The following CYP4Z1 variants were observed in gnomAD, a reference collection of about 807,000 sequenced individuals.
The protein encoded by CYP4Z1 is cytochrome P450 4Z1.
Under a neutral mutation model 54.2 loss-of-function variants are expected in CYP4Z1, and 41 were observed. The ratio of observed to expected loss-of-function variants is 0.76; its 90% CI spans 0.59 to 0.98. The LOEUF (loss-of-function observed/expected upper bound fraction) is 0.98, where lower values mean the gene tolerates loss of function less well. Ranked by LOEUF, CYP4Z1 falls within the 50% of genes least tolerant of loss-of-function variation. The probability of loss-of-function intolerance (pLI) is 0.00; values close to 1 mark genes in which losing one functional copy is unlikely to be tolerated. For missense variants in CYP4Z1, 513 were observed against 599.0 expected, an observed-to-expected ratio of 0.86 and a Z score of 1.50; for synonymous variants, 163 against 206.2, an observed-to-expected ratio of 0.79 and a Z score of 1.79.
At chr1:47,085,315 A>G (rs1434897783) in intron 6 of CYP4Z1, among the ~76,000 whole-genome samples, 2 of 152,110 alleles carry the variant, frequency 1.3e-5, no homozygotes, top group Non-Finnish European at 2.9e-5. Context: ...AGAGCAGGAC[A>G]TCTGAGCAAG....
intron 4 of CYP4Z1, among the ~76,000 whole-genome samples, chr1:47,084,412 C>T (rs1644576709): frequency 6.6e-6 from 1 of 151,672 alleles, no homozygotes; most frequent in Non-Finnish European, 1.5e-5. Context: ...TTTCCCCACC[C>T]TTACAAAGTC....
chr1:47,092,723 C>T (rs1207307698), intron 6 of CYP4Z1, among the ~76,000 whole-genome samples: 14 of 151,910 alleles, frequency 9.2e-5, no homozygotes, highest in African/African-American at 3.4e-4. Context: ...TCATCTCCAA[C>T]ATTTTCTGTT....
intron 8 of CYP4Z1, among the ~76,000 whole-genome samples, chr1:47,101,802 A>C (rs932507692): frequency 6.6e-6 from 1 of 152,100 alleles, no homozygotes; most frequent in African/African-American, 2.4e-5. Context: ...GTTTCTTTAT[A>C]AATTAATAAA....
At chr1:47,112,510 T>C (rs565591732) in intron 9 of CYP4Z1, among the ~76,000 whole-genome samples, 6,815 of 126,312 alleles carry the variant, frequency 0.054, 322 homozygotes, top group African/African-American at 0.14. Flanking sequence ...AAGTATCACA[T>C]TGATAACAAA....
chr1:47,092,612 C>A (rs1644647851), intron 6 of CYP4Z1, among the ~76,000 whole-genome samples: 1 of 152,022 alleles, frequency 6.6e-6, no homozygotes, highest in African/African-American at 2.4e-5. Flanking sequence ...GGGGTCTTTA[C>A]CAGAATTGCC....
Position 47,091,244 on chromosome 1 carries a change from A to C in CYP4Z1, c.773-3322A>C, listed in dbSNP as rs1357086480. Among the ~76,000 whole-genome samples the C allele has an allele frequency of 1.4e-5, 2 of 142,158 alleles. 1 individual carries two copies. The highest frequency in any genetic ancestry group is 5.8e-5 in the African/African-American group (2 of 34,400). 93.3% of individuals were successfully genotyped at this position (142,158 alleles called of 152,430 possible). ...TTAATTTCTCTTATGACGCCTTCCT[A>C]AATTAGAAGGGGCTTGAAGCATGTT... On this transcript the variant is annotated intron_variant, in intron 6 of 11. Coordinates refer to ENST00000334194, the MANE Select transcript of CYP4Z1 (RefSeq NM_178134.3).
chr1:47,068,786 A>G (rs775400810), intron 2 of CYP4Z1, 23 bp downstream of exon 2: 1 of 1,610,472 alleles, frequency 6.2e-7, no homozygotes, highest in Non-Finnish European at 8.5e-7. Context: ...AGGGGCTCAC[A>G]GTACAGAGCA....
intron 7 of CYP4Z1, 46 bp from the exon 8 acceptor site, chr1:47,099,045 TAAC>T (rs774403879): frequency 1.7e-4 from 266 of 1,595,620 alleles, no homozygotes; most frequent in Non-Finnish European, 2.2e-4. Context: ...TTGAAAAAGA[TAAC>T]AATCCATAGC....
intron 11 of CYP4Z1, among the ~76,000 whole-genome samples, chr1:47,117,064 ACC>A (rs1644835478): frequency 6.6e-6 from 1 of 152,122 alleles, no homozygotes; most frequent in Non-Finnish European, 1.5e-5. Flanking sequence ...CAACATTGGC[ACC>A]TCCCAGCTCT....
the CYP4Z1 span, among the ~76,000 whole-genome samples, chr1:47,058,851 G>T: frequency 2.0e-5 from 3 of 152,112 alleles, no homozygotes; most frequent in South Asian, 6.2e-4. Flanking sequence ...GACAGGCAGA[G>T]ACAGGGGCCT....
chr1:47,112,106 A>C (rs2148542136), intron 9 of CYP4Z1, among the ~76,000 whole-genome samples: 1 of 152,300 alleles, frequency 6.6e-6, no homozygotes, highest in African/African-American at 2.4e-5. Context: ...CAGGTGAATT[A>C]ACAAAGGCGA....
chr1:47,099,270 G>C lies in CYP4Z1; in HGVS notation c.1053G>C (p.Gly351=), dbSNP rs1302757501. 6.2e-7 allele frequency: 1 copy of C among 1,608,554 alleles called. No individual in the cohort carries two copies. The highest frequency in any genetic ancestry group is 1.3e-5 in the African/African-American group (1 of 74,516). ...RDEIRELLGD[G]SSITWEHLSQ... ...AAATCAGGGAACTCCTAGGGGATGG[G>C]TCTTCTATTACCTGGTAAGACCTGT... Residue 351 remains glycine (G), a synonymous_variant, in exon 8 of 12, where the codon GGG becomes GGC. Coordinates refer to ENST00000334194, the MANE Select transcript of CYP4Z1 (RefSeq NM_178134.3).
At position 47,094,646 on chromosome 1, in the gene CYP4Z1, C is replaced by G. The variant is rs200948225; in HGVS notation, c.853C>G (p.Leu285Val). ...TACTCAGAAAAGGCGCTGGGATTTT[C>G]TGGACATACTTTTGAGTGCCAAAGT... ...DTTQKRRWDF[L>V]DILLSAKSEN... Residue 285 changes from leucine (L) to valine (V), a missense_variant, in exon 7 of 12, where the codon CTG becomes GTG. Physicochemically the swap from Leu to Val is conservative, Grantham distance 32. Coordinates refer to ENST00000334194, the MANE Select transcript of CYP4Z1 (RefSeq NM_178134.3). The G allele has an allele frequency of 1.2e-6, 2 of 1,610,954 alleles. No homozygotes were observed. Among genetic ancestry groups the G allele is most frequent in the Admixed American group, 1.7e-5 (1 of 59,450 alleles).
intron 3 of CYP4Z1, 103 bp from the exon 4 acceptor site, chr1:47,082,231 A>G (rs998712782): frequency 3.6e-5 from 51 of 1,402,554 alleles, no homozygotes; most frequent in Middle Eastern, 1.9e-4. Flanking sequence ...GTCCACTCTA[A>G]CTTTTCTCCA....
chr1:47,087,075 C>T (rs1424666297), intron 6 of CYP4Z1, among the ~76,000 whole-genome samples: 1 of 152,168 alleles, frequency 6.6e-6, no homozygotes, highest in Non-Finnish European at 1.5e-5. Context: ...GTACCAGTAT[C>T]ATGCTGTTTT....
At chr1:47,116,245 C>T (rs1644829507) in intron 10 of CYP4Z1, among the ~76,000 whole-genome samples, 1 of 152,114 alleles carries the variant, frequency 6.6e-6, no homozygotes, top group Non-Finnish European at 1.5e-5. Flanking sequence ...TTGCCCAAGT[C>T]ACTGGCTCAG....
upstream of CYP4Z1, among the ~76,000 whole-genome samples, chr1:47,064,059 A>G (rs546066413): frequency 4.0e-5 from 6 of 151,274 alleles, no homozygotes; most frequent in South Asian, 1.3e-3. Context: ...GAAACCCTAC[A>G]AGTTAGAAGG....
At chr1:47,086,352 C>A (rs1487927836) in intron 6 of CYP4Z1, among the ~76,000 whole-genome samples, 1 of 152,160 alleles carries the variant, frequency 6.6e-6, no homozygotes, top group Non-Finnish European at 1.5e-5. Flanking sequence ...CTCTCCAGCA[C>A]CTGTTGTTTC....
In CYP4Z1 at chr1:47,115,608, A is replaced by G; in HGVS notation, c.1266+15A>G. 3.7e-6 allele frequency: 6 copies of G among 1,611,762 alleles called. No individual in the cohort carries two copies. Among genetic ancestry groups the G allele is most frequent in the Non-Finnish European group, 5.1e-6 (6 of 1,178,352 alleles). On this transcript the variant is annotated intron_variant, in intron 10 of 11. Transcript: ENST00000334194. ...AAGACCCTCAGGTATGATTGTCCCA[A>G]CTGCACCCAGTGGCATCTAAGATAG...
Sources: allele counts gnomAD v4.1 joint callset (sites outside exome capture counted in the v4.1 genomes callset), GRCh38; gene constraint gnomAD v4.1.1; transcripts MANE v1.5; gene names NCBI Gene and HGNC (gene_info 2026-07-23, HGNC 2026-07-21).